The following CCSER1 variants were observed in gnomAD, a reference collection of about 807,000 sequenced individuals.
CCSER1 encodes the protein coiled-coil serine rich protein 1, also known as serine-rich coiled-coil domain-containing protein 1.
Under a neutral mutation model 82.0 loss-of-function variants are expected in CCSER1, and 41 were observed. The observed-to-expected ratio is 0.50, with a 90% confidence interval of 0.39 to 0.65. The LOEUF (loss-of-function observed/expected upper bound fraction) is 0.65, where lower values mean the gene tolerates loss of function less well. CCSER1 is among the 30% of genes least tolerant of loss of function. The probability of loss-of-function intolerance (pLI) is 0.00; values close to 1 mark genes in which losing one functional copy is unlikely to be tolerated. For missense variants in CCSER1, 1,119 were observed against 1,064.2 expected, an observed-to-expected ratio of 1.05 and a Z score of -0.72; for synonymous variants, 414 against 383.9, an observed-to-expected ratio of 1.08 and a Z score of -0.92.
chr4:90,404,069 C>T (rs1753337855), intron 4 of CCSER1: 1 of 152,260 alleles, frequency 6.6e-6, no homozygotes, highest in South Asian at 2.1e-4. Flanking sequence ...GGGGCAAGTT[C>T]TCAGTTCTGG....
intron 10 of CCSER1, among the ~76,000 whole-genome samples, chr4:91,538,693 A>ATATATATAT (rs1210908321): frequency 2.3e-5 from 1 of 43,308 alleles, no homozygotes; most frequent in Admixed American, 2.3e-4. Context: ...TATATTATAT[A>ATATATATAT]TACACATATA....
intron 9 of CCSER1, among the ~76,000 whole-genome samples, chr4:91,073,087 G>A (rs1272108403): frequency 6.6e-6 from 1 of 152,156 alleles, no homozygotes; most frequent in Non-Finnish European, 1.5e-5. Context: ...ACAATTCAAA[G>A]CTTCCAGTGA....
chr4:90,195,559 T>C (rs1736435120), intron 1 of CCSER1, among the ~76,000 whole-genome samples: 2 of 151,988 alleles, frequency 1.3e-5, no homozygotes, highest in African/African-American at 4.8e-5. Flanking sequence ...TCCAAACCCA[T>C]AGGATACGCA....
At chr4:90,275,363 A>G (rs1446660985) in intron 1 of CCSER1, among the ~76,000 whole-genome samples, 1 of 152,110 alleles carries the variant, frequency 6.6e-6, no homozygotes, top group African/African-American at 2.4e-5. Flanking sequence ...ATAAGGATTC[A>G]TAGTAGAGGA....
intron 1 of CCSER1, among the ~76,000 whole-genome samples, chr4:90,291,340 A>G (rs970456320): frequency 1.4e-4 from 21 of 152,044 alleles, no homozygotes; most frequent in East Asian, 1.4e-3. Flanking sequence ...ATAAAATTCA[A>G]TACAATAGTT....
intron 1 of CCSER1, among the ~76,000 whole-genome samples, chr4:90,155,227 A>AG (rs1483565118): frequency 5.3e-5 from 8 of 152,080 alleles, no homozygotes; most frequent in Non-Finnish European, 1.5e-5. Context: ...CCAGGGATGA[A>AG]CCCACTTGAT....
intron 10 of CCSER1, among the ~76,000 whole-genome samples, chr4:91,379,309 T>A (rs1480282765): frequency 6.6e-6 from 1 of 152,330 alleles, no homozygotes; most frequent in Admixed American, 6.5e-5. Context: ...TTGATTGGAA[T>A]AGTTTCAGAA....
At chr4:90,696,554 T>G (rs76590194) in intron 6 of CCSER1, among the ~76,000 whole-genome samples, 1,620 of 152,270 alleles carry the variant, frequency 0.011, 30 homozygotes, top group African/African-American at 0.036. Context: ...CGATGGTAAT[T>G]TCTGTGATAG....
chr4:90,176,527 A>G (rs1732702577), intron 1 of CCSER1, among the ~76,000 whole-genome samples: 1 of 151,976 alleles, frequency 6.6e-6, no homozygotes, highest in African/African-American at 2.4e-5. Context: ...AGAGAAAAGA[A>G]TCCCCTGTTG....
At chr4:91,505,772 C>G (rs1759450737) in intron 10 of CCSER1, among the ~76,000 whole-genome samples, 1 of 152,080 alleles carries the variant, frequency 6.6e-6, no homozygotes, top group Non-Finnish European at 1.5e-5. Context: ...GTCCTTTGCT[C>G]ACTTTTTAAT....
intron 6 of CCSER1, among the ~76,000 whole-genome samples, chr4:90,637,446 TG>T (rs1290576380): frequency 3.9e-5 from 6 of 152,148 alleles, no homozygotes; most frequent in Non-Finnish European, 7.3e-5. Context: ...TGATTTAGCA[TG>T]GAAGAACAAT....
At chr4:91,474,771 A>ATG (rs1757476443) in intron 10 of CCSER1, among the ~76,000 whole-genome samples, 1 of 140,572 alleles carries the variant, frequency 7.1e-6, no homozygotes, top group Admixed American at 7.7e-5. Flanking sequence ...GTGTGTGTAT[A>ATG]TATATATATA....
intron 7 of CCSER1, among the ~76,000 whole-genome samples, chr4:90,790,155 T>G (rs2149655390): frequency 6.6e-6 from 1 of 152,302 alleles, no homozygotes; most frequent in African/African-American, 2.4e-5. Flanking sequence ...TGTGAATTAT[T>G]AAAATAACCT....
intron 5 of CCSER1, among the ~76,000 whole-genome samples, chr4:90,610,411 CAT>C (rs1403717304): frequency 6.6e-6 from 1 of 152,086 alleles, no homozygotes; most frequent in Non-Finnish European, 1.5e-5. Context: ...TTGTCTTAAA[CAT>C]GTGAGAAGAA....
rs1554046033 is a variant in CCSER1 at position 90,932,910 on chromosome 4, G to GAAAGA, written c.2172+9466_2172+9470dup. On this transcript the variant is annotated intron_variant, in intron 9 of 10. Transcript: ENST00000509176. ...AGAAAGAAGGAAGGAGAAAGAAGGAGAAAGAAAGAAAGAAAGAAAGAAAGA... is the reference window on the plus strand; with the variant it reads ...AGAAAGAAGGAAGGAGAAAGAAGGAGAAAGAAAAGAAAGAAAGAAAGAAAGAAAGA... Among the ~76,000 whole-genome samples the GAAAGA allele has an allele frequency of 1.4e-3, 13 of 9,010 alleles. 5 individuals carry two copies. The highest frequency in any genetic ancestry group is 2.1e-3 in the Non-Finnish European group (12 of 5,640). The allele number at this position is 9,010 out of a possible 152,430, so 5.9% of individuals were successfully genotyped here.
intron 10 of CCSER1, among the ~76,000 whole-genome samples, chr4:91,354,962 A>G (rs1748726598): frequency 6.6e-6 from 1 of 152,188 alleles, no homozygotes; most frequent in Admixed American, 6.5e-5. Flanking sequence ...TGTTTACACT[A>G]GGATCTAGTC....
chr4:91,216,322 A>AT (rs1437912446), intron 10 of CCSER1, among the ~76,000 whole-genome samples: 2 of 151,990 alleles, frequency 1.3e-5, no homozygotes, highest in Admixed American at 1.3e-4. Context: ...ACTTTATAGC[A>AT]TTTTTTTGTT....
chr4:91,563,123 CA>C (rs1762729854), intron 10 of CCSER1, among the ~76,000 whole-genome samples: 1 of 151,464 alleles, frequency 6.6e-6, no homozygotes, highest in Non-Finnish European at 1.5e-5. Flanking sequence ...CAGTCCTTCT[CA>C]AATGGTTCCA....
At chr4:91,188,534 G>A (rs766140184) in intron 10 of CCSER1, among the ~76,000 whole-genome samples, 61 of 152,230 alleles carry the variant, frequency 4.0e-4, no homozygotes, top group Non-Finnish European at 6.8e-4. Context: ...AATAGCTAGT[G>A]CTCAGTAAAT....
Sources: allele counts gnomAD v4.1 joint callset (sites outside exome capture counted in the v4.1 genomes callset), GRCh38; gene constraint gnomAD v4.1.1; transcripts MANE v1.5; gene names NCBI Gene and HGNC (gene_info 2026-07-23, HGNC 2026-07-21).